The following DOCK5 variants were observed in gnomAD, a reference collection of about 807,000 sequenced individuals.
The protein encoded by DOCK5 is dedicator of cytokinesis 5.
DOCK5 carries 142 observed loss-of-function variants against 251.8 expected under a neutral mutation model. That is an observed-to-expected ratio of 0.56 (90% confidence interval 0.49 to 0.65). The LOEUF is 0.65. DOCK5 is among the 30% of genes least tolerant of loss of function. The probability of loss-of-function intolerance (pLI) is 0.00; values close to 1 mark genes in which losing one functional copy is unlikely to be tolerated. For synonymous variants in DOCK5, 842 were observed against 835.5 expected, an observed-to-expected ratio of 1.01 and a Z score of -0.13; for missense variants, 2,111 against 2,312.3, an observed-to-expected ratio of 0.91 and a Z score of 1.79.
Position 25,251,775 on chromosome 8 carries a change from G to A in DOCK5, c.127+8018G>A, listed in dbSNP as rs189166019. 8.5e-5 allele frequency among the ~76,000 whole-genome samples: 13 copies of A among 152,244 alleles called. No homozygotes were observed. In the East Asian group the frequency reaches 2.5e-3, roughly 29 times the overall value. On this transcript the variant is annotated intron_variant, in intron 2 of 51. Coordinates refer to ENST00000276440, the MANE Select transcript of DOCK5 (RefSeq NM_024940.8). Reference sequence around the variant, plus strand: ...AGGCTGAGGCGGGCAGATCACATGAGGCCAGGAGTTTGAGACCAGTCTGGC... The same window carrying A: ...AGGCTGAGGCGGGCAGATCACATGAAGCCAGGAGTTTGAGACCAGTCTGGC...
At chr8:25,282,370 A>G (rs1804216167) in intron 5 of DOCK5, among the ~76,000 whole-genome samples, 1 of 151,996 alleles carries the variant, frequency 6.6e-6, no homozygotes, top group South Asian at 2.1e-4. Context: ...AAAAACCCAA[A>G]TCTCTGGTTT....
intron 18 of DOCK5, among the ~76,000 whole-genome samples, chr8:25,327,239 G>A (rs1379439344): frequency 1.3e-5 from 2 of 152,146 alleles, no homozygotes. Flanking sequence ...ACGATGAATA[G>A]GACTAACCCA....
rs540902116 is a variant in DOCK5, at chr8:25,312,588, C to T, written c.1318+2056C>T. On this transcript the variant is annotated intron_variant, in intron 13 of 51. Transcript: ENST00000276440. Reference sequence around the variant, plus strand: ...GACCAGCCTGGCCAACATGGTGAAACCCCATCTCTATTCAAAATACAAAAA... The same window carrying T: ...GACCAGCCTGGCCAACATGGTGAAATCCCATCTCTATTCAAAATACAAAAA... Among the ~76,000 whole-genome samples the T allele has an allele frequency of 8.4e-4, 128 of 152,008 alleles. 4 individuals are homozygous for T. The South Asian group carries it at 0.026, about 31-fold the overall frequency.
rs1442649654 is a variant in DOCK5 at position 25,278,641 on chromosome 8, T to G, written c.297T>G (p.Ala99=). ...TCACGTCCACTCTGCGAGAATGGGC[T>G]GTCATCTGGCGAAAGCTCTACGTGG... ...QELTSTLREW[A]VIWRKLYVNN... The change falls in exon 5 of 52, where the codon GCT becomes GCG. Residue 99 remains alanine, a synonymous_variant. Transcript: ENST00000276440. 6.2e-7 allele frequency: 1 copy of G among 1,613,946 alleles called. No individual in the cohort carries two copies.
intron 2 of DOCK5, among the ~76,000 whole-genome samples, chr8:25,263,172 C>T (rs1395349264): frequency 6.6e-6 from 1 of 151,728 alleles, no homozygotes; most frequent in African/African-American, 2.4e-5. Context: ...GATCATTTAT[C>T]AGTTTCTTTT....
At chr8:25,308,589 C>T in intron 11 of DOCK5, 194 bp from the exon 12 acceptor site, 1 of 682,148 alleles carries the variant, frequency 1.5e-6, no homozygotes, top group South Asian at 2.6e-5. Context: ...CCCTCTTTGC[C>T]TCAAGTCATT....
At chr8:25,314,671 C>T (rs1466918734) in intron 13 of DOCK5, among the ~76,000 whole-genome samples, 2 of 61,258 alleles carry the variant, frequency 3.3e-5, no homozygotes, top group African/African-American at 1.3e-4. Context: ...AACCTCTATC[C>T]ATCCATGTAT....
intron 1 of DOCK5, among the ~76,000 whole-genome samples, chr8:25,229,440 TACTGC>T (rs902918973): frequency 1.3e-5 from 2 of 151,874 alleles, no homozygotes; most frequent in Non-Finnish European, 2.9e-5. Flanking sequence ...GAGATCTTGC[TACTGC>T]ACTCCAGCCT....
intron 25 of DOCK5, among the ~76,000 whole-genome samples, chr8:25,343,002 G>A (rs1800272119): frequency 6.6e-6 from 1 of 151,562 alleles, no homozygotes; most frequent in Non-Finnish European, 1.5e-5. Flanking sequence ...ACCGCGTCCG[G>A]CTTGTTTGTT....
intron 30 of DOCK5, among the ~76,000 whole-genome samples, chr8:25,365,244 G>A (rs913211722): frequency 3.9e-5 from 6 of 152,074 alleles, no homozygotes; most frequent in South Asian, 4.1e-4. Flanking sequence ...CCTGTTTTGC[G>A]CCCTGGTAGG....
intron 1 of DOCK5, among the ~76,000 whole-genome samples, chr8:25,223,451 A>G (rs894332268): frequency 6.6e-6 from 1 of 152,178 alleles, no homozygotes; most frequent in Non-Finnish European, 1.5e-5. Flanking sequence ...AGTATCTGGG[A>G]CTACAGGCGT....
intron 13 of DOCK5, among the ~76,000 whole-genome samples, chr8:25,315,095 A>C (rs537777218): frequency 2.2e-5 from 1 of 45,258 alleles, no homozygotes; most frequent in Admixed American, 2.9e-4. Context: ...CCCTCGCTGA[A>C]AACATCTTAC....
chr8:25,355,726 A>G lies in DOCK5; in HGVS notation c.2851-3237A>G, dbSNP rs537791966. Among the ~76,000 whole-genome samples the G allele has an allele frequency of 1.2e-4, 19 of 152,314 alleles. No homozygotes were observed. In the South Asian group the frequency reaches 2.3e-3, roughly 18 times the overall value. Reference sequence around the variant, plus strand: ...TAGCATCCTAAAGTGCTGGGATTACAGGCATGAGCCACTGCACCCAGCCTC... The same window carrying G: ...TAGCATCCTAAAGTGCTGGGATTACGGGCATGAGCCACTGCACCCAGCCTC... On this transcript the variant is annotated intron_variant, in intron 27 of 51. Transcript: ENST00000276440.
Position 25,327,949 on chromosome 8 carries a change from CGT to C in DOCK5, c.1903+2417_1903+2418del, listed in dbSNP as rs111334515. ...TAATTACCTTGATTTACCCTTCTACCGTGTGTGTGTGTGTGTCAGAACATCAT... is the reference window on the plus strand; with the variant it reads ...TAATTACCTTGATTTACCCTTCTACCGTGTGTGTGTGTGTCAGAACATCAT... On this transcript the variant is annotated intron_variant, in intron 18 of 51. Transcript: ENST00000276440. 3.7e-3 allele frequency among the ~76,000 whole-genome samples: 556 copies of C among 151,164 alleles called. 3 individuals carry two copies. Among genetic ancestry groups the C allele is most frequent in the Middle Eastern group, 6.8e-3 (2 of 292 alleles).
At chr8:25,196,792 G>T (rs994776623) in intron 1 of DOCK5, among the ~76,000 whole-genome samples, 1 of 152,112 alleles carries the variant, frequency 6.6e-6, no homozygotes, top group Non-Finnish European at 1.5e-5. Context: ...GCATATAAAA[G>T]ATTTTAGTAC....
chr8:25,300,529 A>G, intron 8 of DOCK5, 47 bp from the exon 9 acceptor site: 3 of 1,546,132 alleles, frequency 1.9e-6, no homozygotes, highest in Non-Finnish European at 2.6e-6. Context: ...CTCATCTCCA[A>G]CCCCAGTTAG....
chr8:25,337,742 T>C (rs1317908444), intron 22 of DOCK5, among the ~76,000 whole-genome samples: 1 of 151,862 alleles, frequency 6.6e-6, no homozygotes, highest in Non-Finnish European at 1.5e-5. Context: ...CATACCACCA[T>C]GCCCAGCTAA....
intron 1 of DOCK5, among the ~76,000 whole-genome samples, chr8:25,197,986 G>A (rs1801777334): frequency 6.6e-6 from 1 of 151,986 alleles, no homozygotes; most frequent in Non-Finnish European, 1.5e-5. Flanking sequence ...TCCTGACGTC[G>A]TGATCCGCCT....
rs1336695258 is a variant in DOCK5, at chr8:25,400,013, C to T, written c.4788+19C>T. 6.2e-7 allele frequency: 1 copy of T among 1,607,234 alleles called. No individual in the cohort carries two copies. Among genetic ancestry groups the T allele is most frequent in the African/African-American group, 1.3e-5 (1 of 74,822 alleles). On this transcript the variant is annotated intron_variant, in intron 46 of 51. Transcript: ENST00000276440. ...ATTACAGGTACAGGACGGCTTTCCT[C>T]TACACTCCCAGGGAGGCCACAGTGT... is the stretch of plus-strand genomic sequence containing the variant.
Sources: gnomAD v4.1 joint callset for allele counts (sites outside exome capture counted in the v4.1 genomes callset) on GRCh38, gnomAD v4.1.1 for gene constraint, MANE v1.5 for transcripts, NCBI Gene and HGNC (gene_info 2026-07-23, HGNC 2026-07-21) for gene names.